The following CHCHD3 variants were observed in gnomAD, a reference collection of about 807,000 sequenced individuals.
The protein encoded by CHCHD3 is MICOS complex subunit MIC19.
Under a neutral mutation model 38.2 loss-of-function variants are expected in CHCHD3, and 20 were observed. That is an observed-to-expected ratio of 0.52 (90% CI 0.37 to 0.76). CHCHD3 has a LOEUF of 0.76. Among genes scored for constraint, CHCHD3 ranks in the 30% least tolerant of loss-of-function variants. The pLI is 0.00. For missense variants in CHCHD3, 245 were observed against 279.2 expected, an observed-to-expected ratio of 0.88 and a Z score of 0.87; for synonymous variants, 82 against 100.0, an observed-to-expected ratio of 0.82 and a Z score of 1.07.
chr7:132,950,216 A>T (rs529233327), intron 4 of CHCHD3, among the ~76,000 whole-genome samples: 1 of 152,160 alleles, frequency 6.6e-6, no homozygotes, highest in Non-Finnish European at 1.5e-5. Flanking sequence ...TGGGTACTAC[A>T]TTCACTACCT....
chr7:132,801,602 C>T (rs1199572522), intron 6 of CHCHD3, among the ~76,000 whole-genome samples: 1 of 152,180 alleles, frequency 6.6e-6, no homozygotes, highest in Admixed American at 6.5e-5. Flanking sequence ...GAATGCCAAC[C>T]TGGACATCAC....
chr7:132,850,854 A>G (rs891012017), intron 5 of CHCHD3, among the ~76,000 whole-genome samples: 1 of 152,178 alleles, frequency 6.6e-6, no homozygotes, highest in Admixed American at 6.5e-5. Context: ...TATTTCTAGG[A>G]AGTGGTTTTT....
At chr7:132,810,624 T>C (rs1197612673) in intron 6 of CHCHD3, among the ~76,000 whole-genome samples, 2 of 152,190 alleles carry the variant, frequency 1.3e-5, no homozygotes, top group African/African-American at 4.8e-5. Flanking sequence ...TACACGAGTA[T>C]TTCAGAGGTG....
intron 6 of CHCHD3, among the ~76,000 whole-genome samples, chr7:132,797,813 T>G (rs903290962): frequency 2.0e-5 from 3 of 152,166 alleles, no homozygotes; most frequent in African/African-American, 7.2e-5. Context: ...AGGTAAAATA[T>G]TCTGATTAAT....
intron 5 of CHCHD3, among the ~76,000 whole-genome samples, chr7:132,865,925 T>C (rs1808613540): frequency 6.6e-6 from 1 of 152,156 alleles, no homozygotes; most frequent in Non-Finnish European, 1.5e-5. Context: ...GTAGCGCAGT[T>C]TGTCATTTTG....
chr7:133,047,529 A>G (rs943631517), intron 2 of CHCHD3, among the ~76,000 whole-genome samples: 2 of 152,246 alleles, frequency 1.3e-5, no homozygotes, highest in Non-Finnish European at 2.9e-5. Context: ...ACACATTTAT[A>G]AACTGTGTTG....
intron 4 of CHCHD3, chr7:132,972,473 G>T: frequency 3.3e-6 from 2 of 612,916 alleles, no homozygotes; most frequent in Non-Finnish European, 4.1e-6. Flanking sequence ...TCTCTGAATT[G>T]TAGTACATTG....
rs573633330 is a variant in CHCHD3 at position 132,874,719 on chromosome 7, T to C, written c.453+10943A>G. ...GATCAAGGAGAAACCCCACTACCCATTGCTCCCAATTCTGAGGAGGTTGGA... is the reference window on the plus strand; with the variant it reads ...GATCAAGGAGAAACCCCACTACCCACTGCTCCCAATTCTGAGGAGGTTGGA... On this transcript the variant is annotated intron_variant, in intron 5 of 7. Coordinates refer to ENST00000262570, the MANE Select transcript of CHCHD3 (RefSeq NM_017812.4). 2.6e-5 allele frequency among the ~76,000 whole-genome samples: 4 copies of C among 152,168 alleles called. 1 individual carries two copies. The highest frequency in any genetic ancestry group is 9.6e-5 in the African/African-American group (4 of 41,512).
At chr7:132,831,571 C>T (rs1462247023) in intron 6 of CHCHD3, among the ~76,000 whole-genome samples, 1 of 152,102 alleles carries the variant, frequency 6.6e-6, no homozygotes, top group African/African-American at 2.4e-5. Flanking sequence ...ATTGCAAGAA[C>T]TCAACTTCAG....
intron 5 of CHCHD3, among the ~76,000 whole-genome samples, chr7:132,840,176 C>T (rs1807903955): frequency 6.6e-6 from 1 of 152,174 alleles, no homozygotes; most frequent in Non-Finnish European, 1.5e-5. Context: ...ATCTGTTTCA[C>T]TTATAAGATT....
At chr7:132,815,729 T>C (rs1177591108) in intron 6 of CHCHD3, 2 of 336,314 alleles carry the variant, frequency 5.9e-6, no homozygotes, top group African/African-American at 4.4e-5. Flanking sequence ...CTTCTCTCTC[T>C]TCCTCCTTTC....
chr7:133,078,240 C>G (rs1815060529), intron 1 of CHCHD3, among the ~76,000 whole-genome samples: 1 of 152,164 alleles, frequency 6.6e-6, no homozygotes, highest in Non-Finnish European at 1.5e-5. Flanking sequence ...ACCTGGGAGG[C>G]AGAGGTTGCA....
At chr7:133,025,849 A>C (rs1191005443) in intron 2 of CHCHD3, among the ~76,000 whole-genome samples, 1 of 152,190 alleles carries the variant, frequency 6.6e-6, no homozygotes, top group East Asian at 1.9e-4. Flanking sequence ...CAGATGGAAA[A>C]CTAGACAGCA....
chr7:132,868,903 C>T (rs1297089140), intron 5 of CHCHD3, among the ~76,000 whole-genome samples: 2 of 152,134 alleles, frequency 1.3e-5, no homozygotes, highest in African/African-American at 2.4e-5. Flanking sequence ...GTGACCCACC[C>T]TCACCCAAGC....
chr7:133,065,780 AT>A (rs922537887), intron 2 of CHCHD3, among the ~76,000 whole-genome samples: 3 of 152,190 alleles, frequency 2.0e-5, no homozygotes, highest in African/African-American at 7.2e-5. Context: ...TTATAAGCCT[AT>A]TTTTTTAATT....
At chr7:132,792,284 T>C (rs542221301) in intron 7 of CHCHD3, among the ~76,000 whole-genome samples, 59 of 152,306 alleles carry the variant, frequency 3.9e-4, no homozygotes, top group African/African-American at 1.4e-3. Context: ...CATTTTCTAA[T>C]GGCCTTTATT....
intron 6 of CHCHD3, among the ~76,000 whole-genome samples, chr7:132,820,217 T>C (rs371226126): frequency 5.3e-5 from 8 of 152,210 alleles, no homozygotes; most frequent in East Asian, 1.9e-4. Flanking sequence ...ACTTTGGCTG[T>C]TGGGACTGAT....
chr7:132,869,657 C>T (rs1359670815), intron 5 of CHCHD3, among the ~76,000 whole-genome samples: 1 of 152,142 alleles, frequency 6.6e-6, no homozygotes, highest in Non-Finnish European at 1.5e-5. Context: ...CATAATGGCT[C>T]ACTGCAGCCT....
At chr7:132,793,778 G>A (rs540329247) in intron 7 of CHCHD3, among the ~76,000 whole-genome samples, 2 of 152,340 alleles carry the variant, frequency 1.3e-5, no homozygotes, top group South Asian at 4.1e-4. Context: ...CTAATGGCTT[G>A]TTGTCATGTA....
Sources: allele counts gnomAD v4.1 joint callset (sites outside exome capture counted in the v4.1 genomes callset), GRCh38; gene constraint gnomAD v4.1.1; transcripts MANE v1.5; gene names NCBI Gene and HGNC (gene_info 2026-07-23, HGNC 2026-07-21).